SLC35D1: variants seen among roughly 807,000 people sequenced by gnomAD.
The protein encoded by SLC35D1 is solute carrier family 35 member D1.
SLC35D1 carries 31 observed loss-of-function variants against 46.7 expected under a neutral mutation model. That is an observed-to-expected ratio of 0.66 (90% confidence interval 0.50 to 0.90). The LOEUF (loss-of-function observed/expected upper bound fraction) is 0.90, where lower values mean the gene tolerates loss of function less well. SLC35D1 is among the 40% of genes least tolerant of loss of function. The pLI is 0.00. For missense variants in SLC35D1, 397 were observed against 426.2 expected, an observed-to-expected ratio of 0.93 and a Z score of 0.60; for synonymous variants, 195 against 164.6, an observed-to-expected ratio of 1.18 and a Z score of -1.41.
intron 8 of SLC35D1, among the ~76,000 whole-genome samples, chr1:67,030,010 T>G (rs1667985836): frequency 7.1e-6 from 1 of 140,760 alleles, no homozygotes; most frequent in African/African-American, 2.7e-5. Context: ...TTGCACTAAG[T>G]TTTTTTTTTT....
At chr1:66,997,373 T>C (rs539097559), downstream of SLC35D1, among the ~76,000 whole-genome samples, 10 of 151,364 alleles carry the variant, frequency 6.6e-5, no homozygotes, top group South Asian at 2.1e-3. Flanking sequence ...GGTGTGGTGG[T>C]ATGCACCTCT....
chr1:67,032,950 CAATT>C (rs1312310276), intron 8 of SLC35D1, among the ~76,000 whole-genome samples: 1 of 152,118 alleles, frequency 6.6e-6, no homozygotes, highest in Non-Finnish European at 1.5e-5. Flanking sequence ...TCCATCAGAT[CAATT>C]GTTTTAATGT....
At chr1:66,985,138 ATC>A in the SLC35D1 span, 1 of 1,102,984 alleles carries the variant, frequency 9.1e-7, no homozygotes, top group Non-Finnish European at 1.1e-6. Flanking sequence ...CTAAAGATAT[ATC>A]TCTACCTTCT....
chr1:67,030,452 A>T (rs977283217), intron 8 of SLC35D1, among the ~76,000 whole-genome samples: 2 of 152,184 alleles, frequency 1.3e-5, no homozygotes, highest in Non-Finnish European at 2.9e-5. Context: ...CATATGTAAA[A>T]AGAGGAATAA....
chr1:67,051,450 A>C (rs1252974492), intron 4 of SLC35D1, among the ~76,000 whole-genome samples: 1 of 152,244 alleles, frequency 6.6e-6, no homozygotes, highest in African/African-American at 2.4e-5. Context: ...AGAGGGAAAG[A>C]CAGTGTTACC....
At chr1:67,048,250 A>C (rs1189785951) in intron 6 of SLC35D1, among the ~76,000 whole-genome samples, 1 of 152,218 alleles carries the variant, frequency 6.6e-6, no homozygotes, top group Non-Finnish European at 1.5e-5. Flanking sequence ...ATCTTTTTCC[A>C]AGTCAAAGGG....
chr1:67,036,448 C>G (rs1369083740), intron 8 of SLC35D1, among the ~76,000 whole-genome samples: 1 of 152,044 alleles, frequency 6.6e-6, no homozygotes, highest in Non-Finnish European at 1.5e-5. Flanking sequence ...TAAAATATAT[C>G]CGGGTGTTCC....
In SLC35D1 at chr1:67,000,962, T is replaced by C. The variant is rs1667328091; in HGVS notation, c.*3378A>G. ...ATACTCATAACCATGCAGGCAGCTC[T>C]TGGTTACAAAATCACGGACTCCTTT... On this transcript the variant is annotated 3_prime_UTR_variant, in exon 12 of 12. Coordinates refer to ENST00000235345, the MANE Select transcript of SLC35D1 (RefSeq NM_015139.3). 1 of 152,360 alleles carries C rather than the reference T, an allele frequency of 6.6e-6. No individual in the cohort carries two copies. The highest frequency in any genetic ancestry group is 6.5e-5 in the Admixed American group (1 of 15,286). 9.4% of individuals were successfully genotyped at this position (152,360 alleles called of 1,614,324 possible). A position where few individuals can be genotyped will look rare whatever the true frequency, so the allele number is the denominator to read the frequency against.
chr1:66,979,687 A>G, the SLC35D1 span, among the ~76,000 whole-genome samples: 2 of 152,058 alleles, frequency 1.3e-5, no homozygotes, highest in East Asian at 3.9e-4. Context: ...AATAATTACT[A>G]TCCTTTCACA....
At chr1:67,023,589 G>A (rs1159399976) in intron 8 of SLC35D1, among the ~76,000 whole-genome samples, 3 of 150,976 alleles carry the variant, frequency 2.0e-5, no homozygotes, top group Non-Finnish European at 4.4e-5. Context: ...GGGTTCAAGC[G>A]ATTCTCCTTC....
intron 10 of SLC35D1, among the ~76,000 whole-genome samples, chr1:67,011,070 C>T (rs1444027138): frequency 1.3e-5 from 2 of 152,116 alleles, no homozygotes; most frequent in Non-Finnish European, 2.9e-5. Flanking sequence ...TTTAGCTAGC[C>T]AAGCCTCCTC....
the SLC35D1 span, chr1:66,985,919 A>G: frequency 2.4e-5 from 24 of 980,482 alleles, no homozygotes; most frequent in Non-Finnish European, 2.7e-5. Flanking sequence ...TGCATTTGCT[A>G]TAATTTTCAA....
the SLC35D1 span, among the ~76,000 whole-genome samples, chr1:66,976,225 A>T: frequency 1.3e-5 from 2 of 151,326 alleles, no homozygotes; most frequent in Admixed American, 6.6e-5. Context: ...GCTGGTCTTG[A>T]ACTCCTGACC....
chr1:67,042,900 C>CA (rs1224027916), intron 7 of SLC35D1, among the ~76,000 whole-genome samples: 4 of 152,026 alleles, frequency 2.6e-5, no homozygotes, highest in African/African-American at 9.6e-5. Flanking sequence ...ACTGTCTCTA[C>CA]AAAAAATACA....
intron 7 of SLC35D1, among the ~76,000 whole-genome samples, chr1:67,043,733 C>T (rs1189915674): frequency 6.6e-6 from 1 of 152,174 alleles, no homozygotes. Flanking sequence ...CACAATATGA[C>T]TTACTGGGTT....
rs1279976999 is a variant in SLC35D1, at chr1:67,021,895, A to G, written c.730-293T>C. Among the ~76,000 whole-genome samples the G allele has an allele frequency of 2.6e-5, 4 of 152,276 alleles. No individual in the cohort carries two copies. The East Asian group carries it at 7.7e-4, about 29-fold the overall frequency. ...GTAACGTGGGGATTTTATACTTCTCACTATTGGTGCAAAGAAACTGGTATT... is the reference window on the plus strand; with the variant it reads ...GTAACGTGGGGATTTTATACTTCTCGCTATTGGTGCAAAGAAACTGGTATT... On this transcript the variant is annotated intron_variant, in intron 8 of 11. Transcript: ENST00000235345.
At chr1:67,038,210 A>G (rs1334833620) in intron 8 of SLC35D1, among the ~76,000 whole-genome samples, 1 of 152,222 alleles carries the variant, frequency 6.6e-6, no homozygotes, top group East Asian at 1.9e-4. Context: ...CAGAGTCTGA[A>G]AATCAATCTG....
At chr1:67,011,469 C>A (rs1373786047) in intron 10 of SLC35D1, among the ~76,000 whole-genome samples, 1 of 152,024 alleles carries the variant, frequency 6.6e-6, no homozygotes, top group East Asian at 1.9e-4. Context: ...CAATCAGTTC[C>A]TTTTTCCTCT....
intron 11 of SLC35D1, among the ~76,000 whole-genome samples, chr1:67,005,203 G>A (rs973153587): frequency 1.3e-5 from 2 of 152,162 alleles, no homozygotes; most frequent in Non-Finnish European, 2.9e-5. Context: ...CACTGAGACT[G>A]CCACCCAGGA....
Sources: allele counts gnomAD v4.1 joint callset (sites outside exome capture counted in the v4.1 genomes callset), GRCh38; gene constraint gnomAD v4.1.1; transcripts MANE v1.5; gene names NCBI Gene and HGNC (gene_info 2026-07-23, HGNC 2026-07-21).